ESR1: variants seen among roughly 807,000 people sequenced by gnomAD.
ESR1 encodes estrogen receptor 1.
In ESR1, 12 loss-of-function variants were observed where a neutral mutation model predicts 52.7. The ratio of observed to expected loss-of-function variants is 0.23; its 90% CI spans 0.15 to 0.37. The LOEUF (loss-of-function observed/expected upper bound fraction) is 0.37, where lower values mean the gene tolerates loss of function less well. Among genes scored for constraint, ESR1 ranks in the 10% least tolerant of loss-of-function variants. The pLI is 1.00. For synonymous variants in ESR1, 305 were observed against 316.8 expected (o/e 0.96, Z 0.39); for missense variants, 584 against 779.7 (o/e 0.75, Z 2.99).
At chr6:151,885,200 T>C (rs1793645122) in intron 3 of ESR1, among the ~76,000 whole-genome samples, 1 of 152,166 alleles carries the variant, frequency 6.6e-6, no homozygotes, top group Non-Finnish European at 1.5e-5. Context: ...ATGAATAAGA[T>C]TGTAGTCCCT....
intron 2 of ESR1, among the ~76,000 whole-genome samples, chr6:151,706,096 G>C (rs753319010): frequency 4.6e-5 from 7 of 152,220 alleles, no homozygotes; most frequent in Non-Finnish European, 1.0e-4. Context: ...CATGATGCCA[G>C]AGAAAGCCAG....
intron 3 of ESR1, among the ~76,000 whole-genome samples, chr6:151,895,129 T>C: frequency 1.0e-5 from 1 of 96,754 alleles, no homozygotes; most frequent in East Asian, 2.3e-4. Context: ...TTTTGTTTTT[T>C]TTGGTTTTTT....
intron 4 of ESR1, among the ~76,000 whole-genome samples, chr6:151,980,831 G>C (rs1208572366): frequency 6.6e-6 from 1 of 152,174 alleles, no homozygotes; most frequent in African/African-American, 2.4e-5. Context: ...AACCTCCCAA[G>C]CAGCTGGGAC....
intron 1 of ESR1, among the ~76,000 whole-genome samples, chr6:151,831,146 CT>C (rs11296052): frequency 0.26 from 37,348 of 141,456 alleles, 6,222 homozygotes; most frequent in African/African-American, 0.51. Flanking sequence ...CTTTTCTTTT[CT>C]TTTTTTTTTT....
chr6:151,689,669 A>T (rs1255796739), upstream of ESR1, among the ~76,000 whole-genome samples: 1 of 152,192 alleles, frequency 6.6e-6, no homozygotes, highest in Non-Finnish European at 1.5e-5. Flanking sequence ...GTACTGGGAC[A>T]GAGAGAAATA....
chr6:151,954,856 A>C (rs1468405363), intron 4 of ESR1, among the ~76,000 whole-genome samples: 1 of 152,214 alleles, frequency 6.6e-6, no homozygotes, highest in African/African-American at 2.4e-5. Context: ...TCTACAATTC[A>C]GAGATATAAC....
rs895888642 is a variant in ESR1 at position 152,101,404 on chromosome 6, G to A, written c.*2438G>A. ...CAAAAAAAAATTTCTAGGACTAGAC[G>A]ATGTAATACCAGCTAAAGCCAAACA... On this transcript the variant is annotated 3_prime_UTR_variant, in exon 8 of 8. Transcript: ENST00000206249. The A allele has an allele frequency of 3.4e-5, 8 of 232,772 alleles. No homozygotes were observed. In the South Asian group the frequency reaches 1.1e-3, roughly 32 times the overall value. The allele number at this position is 232,772 out of a possible 1,614,324, so 14.4% of individuals were successfully genotyped here.
At chr6:151,694,406 T>A (rs1779172158) in intron 1 of ESR1, among the ~76,000 whole-genome samples, 1 of 152,208 alleles carries the variant, frequency 6.6e-6, no homozygotes, top group East Asian at 1.9e-4. Context: ...AATAATTACA[T>A]CCGAGTCACA....
At chr6:152,021,197 T>C (rs1376565115) in intron 5 of ESR1, among the ~76,000 whole-genome samples, 1 of 152,110 alleles carries the variant, frequency 6.6e-6, no homozygotes, top group East Asian at 1.9e-4. Context: ...TGCCAGCGAA[T>C]ATAAGGCAGG....
At chr6:151,948,298 T>G (rs1003782287) in intron 4 of ESR1, among the ~76,000 whole-genome samples, 3 of 152,212 alleles carry the variant, frequency 2.0e-5, no homozygotes, top group Non-Finnish European at 2.9e-5. Flanking sequence ...TCACCATAAT[T>G]TTACATGTCT....
At chr6:152,010,652 A>C (rs2042688774) in intron 4 of ESR1, among the ~76,000 whole-genome samples, 1 of 152,106 alleles carries the variant, frequency 6.6e-6, no homozygotes, top group Admixed American at 6.6e-5. Context: ...TTCTCTAATT[A>C]AGTGGAGCTC....
At chr6:152,030,958 C>A in intron 5 of ESR1, among the ~76,000 whole-genome samples, 1 of 152,164 alleles carries the variant, frequency 6.6e-6, no homozygotes, top group Non-Finnish European at 1.5e-5. Flanking sequence ...ACAGTGCAAT[C>A]AAACTAGAAC....
intron 3 of ESR1, among the ~76,000 whole-genome samples, chr6:151,939,142 A>G (rs1305208561): frequency 6.6e-6 from 1 of 152,192 alleles, no homozygotes; most frequent in Non-Finnish European, 1.5e-5. Flanking sequence ...TATGAATGAC[A>G]ATGTATCTTG....
intron 4 of ESR1, among the ~76,000 whole-genome samples, chr6:151,949,369 G>A (rs1381958739): frequency 6.6e-6 from 1 of 152,234 alleles, no homozygotes; most frequent in African/African-American, 2.4e-5. Context: ...GGAGGTTCCT[G>A]TAGATTTCAG....
chr6:151,954,766 TTCTA>T (rs1231699413), intron 4 of ESR1, among the ~76,000 whole-genome samples: 2 of 152,328 alleles, frequency 1.3e-5, no homozygotes, highest in Admixed American at 6.5e-5. Context: ...TGCATTCAAG[TTCTA>T]TCTGTCAGTG....
Position 151,764,926 on chromosome 6 carries a change from A to G in ESR1, c.-70-42917A>G, listed in dbSNP as rs572873052. Among the ~76,000 whole-genome samples, 170 of 152,328 alleles carry G rather than the reference A, an allele frequency of 1.1e-3. 1 individual carries two copies. Among genetic ancestry groups the G allele is most frequent in the African/African-American group, 4.0e-3 (165 of 41,568 alleles). On this transcript the variant is annotated intron_variant, in intron 2 of 2. Coordinates refer to the ESR1 transcript ENST00000404742. ...TGAATCAATTAGAACAGTGCTGTAC[A>G]ATAGAAAAATAGAACAGTGCTGTAC...
intron 5 of ESR1, among the ~76,000 whole-genome samples, chr6:152,012,410 C>T (rs2042854620): frequency 6.6e-6 from 1 of 151,782 alleles, no homozygotes; most frequent in African/African-American, 2.4e-5. Flanking sequence ...ATAGCAGCTG[C>T]CACTGATAGA....
intron 2 of ESR1, among the ~76,000 whole-genome samples, chr6:151,730,120 C>T (rs1460399011): frequency 6.6e-6 from 1 of 151,976 alleles, no homozygotes; most frequent in Non-Finnish European, 1.5e-5. Flanking sequence ...CACATCAATC[C>T]CTAGATTTCT....
intron 4 of ESR1, among the ~76,000 whole-genome samples, chr6:151,944,711 A>G (rs1489215633): frequency 6.6e-6 from 1 of 152,214 alleles, no homozygotes; most frequent in Non-Finnish European, 1.5e-5. Context: ...ATCAGAATCT[A>G]GAAGACTGAA....
Sources: gnomAD v4.1 joint callset for allele counts (sites outside exome capture counted in the v4.1 genomes callset) on GRCh38, gnomAD v4.1.1 for gene constraint, MANE v1.5 for transcripts, NCBI Gene and HGNC (gene_info 2026-07-23, HGNC 2026-07-21) for gene names.